ZNF777: variants seen among roughly 807,000 people sequenced by gnomAD.
ZNF777 encodes zinc finger protein 777.
ZNF777 carries 7 observed loss-of-function variants against 72.1 expected under a neutral mutation model. The ratio of observed to expected loss-of-function variants is 0.10; its 90% CI spans 0.06 to 0.18. The LOEUF is 0.18. ZNF777 is among the 10% of genes least tolerant of loss of function. The pLI is 1.00. For synonymous variants in ZNF777, 545 were observed against 483.5 expected (o/e 1.13, Z -1.67); for missense variants, 828 against 1,128.6 (o/e 0.73, Z 3.82).
At chr7:149,448,506 T>C (rs995525624) in intron 4 of ZNF777, among the ~76,000 whole-genome samples, 2 of 118,862 alleles carry the variant, frequency 1.7e-5, no homozygotes, top group Admixed American at 1.7e-4. Flanking sequence ...TATATATATA[T>C]ATATAACTAT....
chr7:149,446,163 A>T (rs1407166722), intron 4 of ZNF777, among the ~76,000 whole-genome samples: 1 of 152,044 alleles, frequency 6.6e-6, no homozygotes, highest in Non-Finnish European at 1.5e-5. Context: ...AGATTACCTG[A>T]GGTTGGGAGT....
In ZNF777 at chr7:149,434,220, A is replaced by G. The variant is rs550489435; in HGVS notation, c.1340-1288T>C. 2.6e-5 allele frequency among the ~76,000 whole-genome samples: 4 copies of G among 152,298 alleles called. No individual in the cohort carries two copies. In the East Asian group the frequency reaches 7.7e-4, roughly 29 times the overall value. ...CACCTGGTCTACCTCCTCAAGTAAC[A>G]TGGACTGAAGCTAGCAATGTTTGTG... On this transcript the variant is annotated intron_variant, in intron 5 of 5. Transcript: ENST00000247930.
At position 149,441,375 on chromosome 7, in the gene ZNF777, A is replaced by T. The variant is rs1799511675; in HGVS notation, c.1088-4549T>A. On this transcript the variant is annotated intron_variant, in intron 4 of 5. Coordinates refer to ENST00000247930, the MANE Select transcript of ZNF777 (RefSeq NM_015694.3). ...CATCAAACTCCTGATGAACAAAAAA[A>T]TTTATGTATAAATAAGAAATTCATA... Among the ~76,000 whole-genome samples the T allele has an allele frequency of 2.0e-5, 3 of 152,236 alleles. No individual in the cohort carries two copies. The South Asian group carries it at 6.2e-4, about 31-fold the overall frequency.
rs1277195461 is a variant in ZNF777, at chr7:149,455,508, A to G, written c.515T>C (p.Val172Ala). ...CGTGGGGAGCGGCTGTTCCTTCTGG[A>G]CTGCAGAAGAGATCTGGAAAGGGGT... is the stretch of plus-strand genomic sequence containing the variant. ...KDTPFQISSA[V>A]QKEQPLPTAE... Residue 172 changes from valine to alanine, a missense_variant, in exon 2 of 6, where the codon GTC (valine) becomes GCC (alanine). Val to Ala is a moderately conservative substitution (Grantham distance 64, BLOSUM62 0). Around this residue, in one of 12 missense-constraint regions of ZNF777, gnomAD observed 222 missense variants for 211.2 expected, o/e 1.05. Coordinates refer to ENST00000247930, the MANE Select transcript of ZNF777 (RefSeq NM_015694.3). The surrounding 1 kb of genome is among the most constrained non-coding windows in gnomAD (Gnocchi z 4.2). 1 of 1,613,946 alleles carries G rather than the reference A, an allele frequency of 6.2e-7. No individual in the cohort carries two copies. The highest frequency in any genetic ancestry group is 2.2e-5 in the East Asian group (1 of 44,864).
intron 2 of ZNF777, 60 bp from the exon 3 acceptor site, chr7:149,454,297 G>A: frequency 6.2e-7 from 1 of 1,604,702 alleles, no homozygotes; most frequent in Non-Finnish European, 8.5e-7. Flanking sequence ...GCCCACGGCT[G>A]GCCAATCCCA....
rs200964721 is a variant in ZNF777, at chr7:149,454,211, A to G, written c.873T>C (p.Ala291=). 6.9e-4 allele frequency: 1,109 copies of G among 1,614,180 alleles called. No individual in the cohort carries two copies. The highest frequency in any genetic ancestry group is 8.5e-4 in the Non-Finnish European group (1,007 of 1,180,032). The part of the protein sequence containing the change: ...PKVPVTFDDV[A]VHFSEQEWGN... Reference sequence around the variant, plus strand: ...CCCACTCCTGCTCCGAGAAGTGCACAGCAACATCATCAAATGTGACAGGGA... The same window carrying G: ...CCCACTCCTGCTCCGAGAAGTGCACGGCAACATCATCAAATGTGACAGGGA... The change falls in exon 3 of 6, where the codon GCT becomes GCC. Residue 291 remains alanine, a synonymous_variant. Coordinates refer to ENST00000247930, the MANE Select transcript of ZNF777 (RefSeq NM_015694.3).
rs1470963876 is a variant in ZNF777, at chr7:149,448,513, C to CATATAGTTA, written c.1087+2485_1087+2486insTAACTATAT. On this transcript the variant is annotated intron_variant, in intron 4 of 5. Coordinates refer to ENST00000247930, the MANE Select transcript of ZNF777 (RefSeq NM_015694.3). ...TATATATATATATATATATATATAACTATATATAGTTATACATATAGTTAT... is the reference window on the plus strand; with the variant it reads ...TATATATATATATATATATATATAACATATAGTTATATATATAGTTATACATATAGTTAT... Among the ~76,000 whole-genome samples, 8 of 88,544 alleles carry CATATAGTTA rather than the reference C, an allele frequency of 9.0e-5. No individual in the cohort carries two copies. In the South Asian group the frequency reaches 1.1e-3, roughly 12 times the overall value. The allele number at this position is 88,544 out of a possible 152,430, so 58.1% of individuals were successfully genotyped here.
At chr7:149,450,942 T>C in intron 4 of ZNF777, 57 bp downstream of exon 4, 1 of 1,499,576 alleles carries the variant, frequency 6.7e-7, no homozygotes, top group Non-Finnish European at 9.2e-7. Flanking sequence ...ATGCTGGCGC[T>C]TCCTGAGTAC....
In ZNF777 at chr7:149,448,579, C is replaced by T. The variant is rs58618885; in HGVS notation, c.1087+2420G>A. On this transcript the variant is annotated intron_variant, in intron 4 of 5. Transcript: ENST00000247930. Reference sequence around the variant, plus strand: ...TATAGTTATATAGTTATACATATAACTATATATATATATATATATATATAT... The same window carrying T: ...TATAGTTATATAGTTATACATATAATTATATATATATATATATATATATAT... Among the ~76,000 whole-genome samples, 450 of 114,750 alleles carry T rather than the reference C, an allele frequency of 3.9e-3. 7 individuals carry two copies. Among genetic ancestry groups the T allele is most frequent in the Non-Finnish European group, 4.5e-3 (258 of 56,924 alleles). 75.3% of individuals were successfully genotyped at this position (114,750 alleles called of 152,430 possible).
At chr7:149,437,974 A>G (rs532617248) in intron 4 of ZNF777, among the ~76,000 whole-genome samples, 4 of 150,758 alleles carry the variant, frequency 2.7e-5, no homozygotes, top group Non-Finnish European at 5.9e-5. Flanking sequence ...CCGCCTCCCA[A>G]CTTCAAGCGA....
chr7:149,435,088 T>C (rs1042314392), intron 5 of ZNF777, among the ~76,000 whole-genome samples: 1 of 152,256 alleles, frequency 6.6e-6, no homozygotes, highest in African/African-American at 2.4e-5. Context: ...GTCTTTTCAC[T>C]ATTCTGTTAT....
intron 4 of ZNF777, among the ~76,000 whole-genome samples, chr7:149,438,986 T>G (rs578228695): frequency 3.3e-5 from 5 of 152,188 alleles, no homozygotes; most frequent in Non-Finnish European, 7.3e-5. Flanking sequence ...CAAAGATGTC[T>G]GTGTCCTATT....
intron 1 of ZNF777, chr7:149,459,823 C>T: frequency 1.0e-6 from 1 of 984,876 alleles, no homozygotes. Flanking sequence ...CCGACGGACG[C>T]AGCGCGGGCC....
At chr7:149,452,074 G>A (rs971298872) in intron 3 of ZNF777, among the ~76,000 whole-genome samples, 41 of 151,780 alleles carry the variant, frequency 2.7e-4, no homozygotes, top group African/African-American at 9.7e-4. Context: ...GACCATCCTG[G>A]CTAACATGGT....
At position 149,431,752 on chromosome 7, in the gene ZNF777, G is replaced by C. The variant is rs1186258775; in HGVS notation, c.*24C>G. On this transcript the variant is annotated 3_prime_UTR_variant, in exon 6 of 6. Coordinates refer to ENST00000247930, the MANE Select transcript of ZNF777 (RefSeq NM_015694.3). ...GGGGGCACGGCCCGCGCACCTGGCC[G>C]GGCGGCGGCGGCGGGGCGCGCGCTC... 4.9e-6 allele frequency: 7 copies of C among 1,430,938 alleles called. No individual in the cohort carries two copies. Among genetic ancestry groups the C allele is most frequent in the Non-Finnish European group, 5.4e-6 (6 of 1,101,562 alleles). The allele number at this position is 1,430,938 out of a possible 1,614,324, so 88.6% of individuals were successfully genotyped here.
chr7:149,442,110 G>A (rs747376179), intron 4 of ZNF777, among the ~76,000 whole-genome samples: 23 of 150,884 alleles, frequency 1.5e-4, no homozygotes, highest in Admixed American at 4.0e-4. Context: ...CCAGCTACTC[G>A]GGAGGCTAAG....
At position 149,460,475 on chromosome 7, in the gene ZNF777, G is replaced by A. The variant is rs1799928163; in HGVS notation, c.-16+340C>T. ...CCCCCGGCCCGCGCGCCGCCCCTCTGCGGCCGCGGCTGGGACCCCAGCTCC... is the reference window on the plus strand; with the variant it reads ...CCCCCGGCCCGCGCGCCGCCCCTCTACGGCCGCGGCTGGGACCCCAGCTCC... On this transcript the variant is annotated intron_variant, in intron 1 of 5. Coordinates refer to ENST00000247930, the MANE Select transcript of ZNF777 (RefSeq NM_015694.3). This position sits in a 1 kb window ranked among gnomAD's most constrained non-coding sequence, Gnocchi z 6.1. Among the ~76,000 whole-genome samples, 2 of 148,854 alleles carry A rather than the reference G, an allele frequency of 1.3e-5. No individual in the cohort carries two copies. Among genetic ancestry groups the A allele is most frequent in the African/African-American group, 4.9e-5 (2 of 41,052 alleles).
intron 4 of ZNF777, among the ~76,000 whole-genome samples, chr7:149,438,263 G>A (rs1267675240): frequency 6.6e-6 from 1 of 152,154 alleles, no homozygotes; most frequent in Admixed American, 6.5e-5. Flanking sequence ...CTCCCAAAGT[G>A]CTGGAATTAC....
chr7:149,455,512 C>A lies in ZNF777; in HGVS notation c.511G>T (p.Ala171Ser), dbSNP rs1345735188. Residue 171 changes from alanine (A) to serine (S), a missense_variant, in exon 2 of 6, where the codon GCA (alanine) becomes TCA (serine). Physicochemically the swap from Ala to Ser is moderately conservative, Grantham distance 99. Transcript: ENST00000247930. The surrounding 1 kb of genome is among the most constrained non-coding windows in gnomAD (Gnocchi z 4.2). ...QKDTPFQISS[A>S]VQKEQPLPTA... is the part of the protein sequence containing the mutation. ...GGGAGCGGCTGTTCCTTCTGGACTG[C>A]AGAAGAGATCTGGAAAGGGGTGTCC... 1 of 1,613,980 alleles carries A rather than the reference C, an allele frequency of 6.2e-7. No homozygotes were observed. The highest frequency in any genetic ancestry group is 1.7e-5 in the Admixed American group (1 of 60,002).
Sources: gnomAD v4.1 joint callset for allele counts (sites outside exome capture counted in the v4.1 genomes callset) on GRCh38, gnomAD v4.1.1 for gene constraint, gnomAD v4.1.1 regional missense constraint, Gnocchi (gnomAD v3.1) non-coding constraint, MANE v1.5 for transcripts, NCBI Gene and HGNC (gene_info 2026-07-23, HGNC 2026-07-21) for gene names.